ENOX2: variants seen among roughly 807,000 people sequenced by gnomAD.
The protein encoded by ENOX2 is APK1 antigen.
A neutral mutation model predicts 45.0 loss-of-function variants in ENOX2; 36 were observed. The observed-to-expected ratio is 0.80, with a 90% confidence interval of 0.61 to 1.06. The LOEUF (loss-of-function observed/expected upper bound fraction) is 1.06. Ranked by LOEUF, ENOX2 falls within the 50% of genes least tolerant of loss-of-function variation. The pLI is 0.00. For synonymous variants in ENOX2, 174 were observed against 152.3 expected (o/e 1.14, Z -1.05); for missense variants, 423 against 462.5 (o/e 0.91, Z 0.78).
intron 3 of ENOX2, among the ~76,000 whole-genome samples, chrX:130,767,523 G>A (rs1489573302): frequency 8.9e-6 from 1 of 112,136 alleles, no homozygotes; most frequent in African/African-American, 3.2e-5. Flanking sequence ...TACTATGCAT[G>A]TAGCACTGTG....
chrX:130,891,775 C>T (rs1232820096), intron 2 of ENOX2, among the ~76,000 whole-genome samples: 1 of 111,263 alleles, frequency 9.0e-6, no homozygotes, highest in Non-Finnish European at 1.9e-5. Context: ...GTTCTTAATT[C>T]ACTGATTCAA....
At chrX:130,817,404 C>T (rs1307870167) in intron 2 of ENOX2, among the ~76,000 whole-genome samples, 1 of 112,030 alleles carries the variant, frequency 8.9e-6, no homozygotes, top group African/African-American at 3.2e-5. Flanking sequence ...GGGACTCCTC[C>T]CTAACTCATT....
At chrX:130,759,027 C>T (rs939610615) in intron 3 of ENOX2, among the ~76,000 whole-genome samples, 13 of 111,432 alleles carry the variant, frequency 1.2e-4, no homozygotes, top group Admixed American at 9.5e-4. Context: ...CTAACACGGT[C>T]TTTCCCAGAA....
Position 130,817,835 on chromosome X carries a change from C to T in ENOX2, c.-182-34145G>A, listed in dbSNP as rs945480724. ...ATACTGAATGGGCAGAAGCTGGAAGCATTCCCTTTGAAAACTGGCACAAGA... is the reference window on the plus strand; with the variant it reads ...ATACTGAATGGGCAGAAGCTGGAAGTATTCCCTTTGAAAACTGGCACAAGA... On this transcript the variant is annotated intron_variant, in intron 2 of 14. Coordinates refer to ENST00000394363, the MANE Select transcript of ENOX2 (RefSeq NM_006375.4). Among the ~76,000 whole-genome samples, 15 of 112,104 alleles carry T rather than the reference C, an allele frequency of 1.3e-4. 1 individual carries two copies. The highest frequency in any genetic ancestry group is 3.6e-4 in the African/African-American group (11 of 30,777).
At chrX:130,709,735 A>G (rs1013325319) in intron 3 of ENOX2, among the ~76,000 whole-genome samples, 1 of 110,146 alleles carries the variant, frequency 9.1e-6, no homozygotes, top group Admixed American at 9.6e-5. Flanking sequence ...TCAGGCCTCT[A>G]GAATATACTA....
chrX:130,676,212 C>T (rs2037145372), intron 6 of ENOX2, among the ~76,000 whole-genome samples: 1 of 111,929 alleles, frequency 8.9e-6, no homozygotes, highest in African/African-American at 3.3e-5. Context: ...TGCTACAATG[C>T]TATGGGGTGG....
intron 2 of ENOX2, among the ~76,000 whole-genome samples, chrX:130,893,576 G>A (rs1287610009): frequency 8.9e-6 from 1 of 112,366 alleles, no homozygotes; most frequent in Non-Finnish European, 1.9e-5. Flanking sequence ...AGGTCAGGCT[G>A]AAGAGTTTGG....
At chrX:130,808,743 C>T (rs746939818) in intron 2 of ENOX2, among the ~76,000 whole-genome samples, 8 of 111,418 alleles carry the variant, frequency 7.2e-5, no homozygotes, top group African/African-American at 2.6e-4. Flanking sequence ...ACTAAAAAAT[C>T]GTTTTGAGAA....
chrX:130,641,305 GA>G (rs1366191825), intron 10 of ENOX2, among the ~76,000 whole-genome samples: 2 of 111,798 alleles, frequency 1.8e-5, no homozygotes, highest in Non-Finnish European at 3.8e-5. Context: ...ATAAAAAGTG[GA>G]ATAAAATATT....
chrX:130,729,887 T>C (rs1424600848), intron 3 of ENOX2, among the ~76,000 whole-genome samples: 1 of 112,148 alleles, frequency 8.9e-6, no homozygotes, highest in African/African-American at 3.2e-5. Context: ...CCTATGGTCT[T>C]TGAGAGGCTT....
intron 14 of ENOX2, 120 bp from the exon 15 acceptor site, chrX:130,625,565 C>T: frequency 3.0e-6 from 2 of 656,604 alleles, no homozygotes; most frequent in Non-Finnish European, 4.4e-6. Flanking sequence ...GGCGTTTAAC[C>T]TCCTCCTGCT....
At chrX:130,707,700 G>A (rs749426619) in intron 3 of ENOX2, among the ~76,000 whole-genome samples, 1 of 111,905 alleles carries the variant, frequency 8.9e-6, no homozygotes, top group Admixed American at 9.4e-5. Flanking sequence ...TGGTTTTTAT[G>A]CTCACTGTAA....
At chrX:130,756,340 T>A (rs1023730565) in intron 3 of ENOX2, among the ~76,000 whole-genome samples, 1 of 112,196 alleles carries the variant, frequency 8.9e-6, no homozygotes, top group Non-Finnish European at 1.9e-5. Flanking sequence ...GGAAGGCTAT[T>A]TATGGCTATT....
intron 2 of ENOX2, among the ~76,000 whole-genome samples, chrX:130,809,712 C>T (rs934205475): frequency 9.0e-6 from 1 of 111,062 alleles, no homozygotes; most frequent in African/African-American, 3.3e-5. Context: ...AAAGTTAAGT[C>T]TTCACCCCCA....
chrX:130,747,548 T>G (rs1050799450), intron 3 of ENOX2, among the ~76,000 whole-genome samples: 4 of 112,303 alleles, frequency 3.6e-5, no homozygotes, highest in African/African-American at 9.7e-5. Context: ...CTCTCTGAAT[T>G]TGCTTTGGAG....
At chrX:130,684,800 A>G (rs1436170713) in intron 5 of ENOX2, among the ~76,000 whole-genome samples, 1 of 111,137 alleles carries the variant, frequency 9.0e-6, no homozygotes, top group Non-Finnish European at 1.9e-5. Context: ...CCTGTCTTTA[A>G]AAACAATACA....
chrX:130,897,411 A>C (rs1010842526), intron 2 of ENOX2, among the ~76,000 whole-genome samples: 7 of 112,340 alleles, frequency 6.2e-5, no homozygotes, highest in Admixed American at 4.7e-4. Flanking sequence ...GGATTGCTGG[A>C]AAATAAAGAA....
At chrX:130,875,274 T>G (rs903493291) in intron 2 of ENOX2, among the ~76,000 whole-genome samples, 84 of 109,941 alleles carry the variant, frequency 7.6e-4, no homozygotes, top group Non-Finnish European at 1.5e-3. Context: ...GCTTTTTTTT[T>G]TTTTGCACAA....
intron 2 of ENOX2, among the ~76,000 whole-genome samples, chrX:130,821,429 A>T (rs1459540199): frequency 1.1e-5 from 1 of 91,003 alleles, no homozygotes; most frequent in Non-Finnish European, 2.2e-5. Context: ...TTCTCAGTAA[A>T]CTATCGCAAG....
Sources: gnomAD v4.1 joint callset for allele counts (sites outside exome capture counted in the v4.1 genomes callset) on GRCh38, gnomAD v4.1.1 for gene constraint, MANE v1.5 for transcripts, NCBI Gene and HGNC (gene_info 2026-07-23, HGNC 2026-07-21) for gene names.